Variants in EEFSEC observed in about 807,000 individuals in gnomAD.
The protein encoded by EEFSEC is selenocysteine-specific elongation factor.
Under a neutral mutation model 42.1 loss-of-function variants are expected in EEFSEC, and 43 were observed. The ratio of observed to expected loss-of-function variants is 1.02; its 90% CI spans 0.80 to 1.32. EEFSEC has a LOEUF of 1.32. Among genes scored for constraint, EEFSEC ranks in the 40% most tolerant of loss-of-function variants. The pLI, the probability that EEFSEC is intolerant of heterozygous loss-of-function variation, is 0.00. For synonymous variants in EEFSEC, 354 were observed against 339.1 expected (o/e 1.04, Z -0.48); for missense variants, 745 against 803.6 (o/e 0.93, Z 0.88).
At chr3:128,420,829 C>T in the EEFSEC span, among the ~76,000 whole-genome samples, 1 of 152,168 alleles carries the variant, frequency 6.6e-6, no homozygotes, top group Non-Finnish European at 1.5e-5. Context: ...GCAGGGTGCT[C>T]CCCTCCAGCC....
intron 1 of EEFSEC, among the ~76,000 whole-genome samples, chr3:128,234,885 G>T (rs370922102): frequency 1.3e-5 from 2 of 152,156 alleles, no homozygotes; most frequent in African/African-American, 4.8e-5. Context: ...TTGGTGCTGG[G>T]AGCTCTTATA....
intron 4 of EEFSEC, among the ~76,000 whole-genome samples, chr3:128,305,965 A>C (rs1021617847): frequency 2.0e-5 from 3 of 152,128 alleles, no homozygotes; most frequent in Admixed American, 2.0e-4. Context: ...ATTCCACTGT[A>C]TGTTACTTTC....
At chr3:128,314,057 T>C (rs1233666096) in intron 4 of EEFSEC, among the ~76,000 whole-genome samples, 3 of 152,248 alleles carry the variant, frequency 2.0e-5, no homozygotes, top group African/African-American at 7.2e-5. Flanking sequence ...CATGTGGATG[T>C]CTGTTTAGCC....
the EEFSEC span, among the ~76,000 whole-genome samples, chr3:128,417,019 T>C: frequency 6.6e-6 from 1 of 152,090 alleles, no homozygotes; most frequent in Non-Finnish European, 1.5e-5. The surrounding 1 kb of genome is among the most constrained non-coding windows in gnomAD (Gnocchi z 4.3). Context: ...GCAGGGTTCC[T>C]GACCAGCAGC....
chr3:128,393,354 C>T (rs549379923), intron 6 of EEFSEC, among the ~76,000 whole-genome samples: 1 of 152,220 alleles, frequency 6.6e-6, no homozygotes, highest in Non-Finnish European at 1.5e-5. Flanking sequence ...CCTTTTGGTA[C>T]ACACGCTGGT....
chr3:128,347,854 A>G (rs1459558197), intron 5 of EEFSEC, among the ~76,000 whole-genome samples: 4 of 152,236 alleles, frequency 2.6e-5, no homozygotes, highest in Non-Finnish European at 5.9e-5. Context: ...TTCAGAGTCC[A>G]TATTTTAAAA....
intron 4 of EEFSEC, among the ~76,000 whole-genome samples, chr3:128,334,870 G>A (rs2067172834): frequency 6.6e-6 from 1 of 152,228 alleles, no homozygotes; most frequent in African/African-American, 2.4e-5. Context: ...GTATAGGGCA[G>A]CAGCACCTCT....
intron 4 of EEFSEC, 109 bp from the exon 5 acceptor site, chr3:128,341,124 T>C: frequency 3.0e-6 from 4 of 1,349,392 alleles, no homozygotes; most frequent in Non-Finnish European, 4.0e-6. Context: ...GTCCTCACGG[T>C]GCCTGCAGGT....
chr3:128,254,336 T>C (rs1347475881), intron 2 of EEFSEC, among the ~76,000 whole-genome samples: 1 of 152,186 alleles, frequency 6.6e-6, no homozygotes, highest in Non-Finnish European at 1.5e-5. Context: ...GGTGCCATCA[T>C]CTGTGGCTGT....
chr3:128,155,001 T>C (rs1339290823), intron 1 of EEFSEC, among the ~76,000 whole-genome samples: 1 of 152,238 alleles, frequency 6.6e-6, no homozygotes, highest in African/African-American at 2.4e-5. Flanking sequence ...TACATGCTAC[T>C]TGTGAAGAAA....
chr3:128,157,088 C>T (rs539800801), intron 1 of EEFSEC, among the ~76,000 whole-genome samples: 4 of 152,296 alleles, frequency 2.6e-5, no homozygotes, highest in Non-Finnish European at 4.4e-5. Context: ...GAAAGCAAGA[C>T]AGCTTTATTG....
intron 1 of EEFSEC, among the ~76,000 whole-genome samples, chr3:128,246,181 G>T (rs1051656754): frequency 1.3e-5 from 2 of 152,102 alleles, no homozygotes; most frequent in African/African-American, 4.8e-5. Flanking sequence ...ACCTGCTGTT[G>T]TTCAGCTCAG....
chr3:128,216,605 C>A (rs1576552112), intron 1 of EEFSEC, among the ~76,000 whole-genome samples: 1 of 152,360 alleles, frequency 6.6e-6, no homozygotes, highest in Admixed American at 6.5e-5. Flanking sequence ...CCTGTACTGT[C>A]CTCTGATGGC....
At chr3:128,283,477 T>C (rs2066551225) in intron 4 of EEFSEC, among the ~76,000 whole-genome samples, 1 of 152,196 alleles carries the variant, frequency 6.6e-6, no homozygotes, top group Non-Finnish European at 1.5e-5. Flanking sequence ...TACTTTGTTC[T>C]GTGTGGCTCT....
At chr3:128,268,926 T>C (rs933136006) in intron 4 of EEFSEC, among the ~76,000 whole-genome samples, 3 of 152,212 alleles carry the variant, frequency 2.0e-5, no homozygotes, top group Non-Finnish European at 4.4e-5. Flanking sequence ...AAGAAACTTA[T>C]GAATTTTGCA....
At chr3:128,170,130 C>G (rs1019445732) in intron 1 of EEFSEC, among the ~76,000 whole-genome samples, 2 of 152,146 alleles carry the variant, frequency 1.3e-5, no homozygotes, top group African/African-American at 4.8e-5. Context: ...ACCAGCTCCT[C>G]ACCCCCCGCC....
At chr3:128,426,056 C>A in the EEFSEC span, among the ~76,000 whole-genome samples, 25 of 152,208 alleles carry the variant, frequency 1.6e-4, no homozygotes, top group African/African-American at 5.8e-4. Flanking sequence ...CTGTTCAATC[C>A]TCACAGCAGT....
chr3:128,228,229 G>C (rs760594148), intron 1 of EEFSEC, among the ~76,000 whole-genome samples: 58 of 152,310 alleles, frequency 3.8e-4, no homozygotes, highest in Non-Finnish European at 7.6e-4. Flanking sequence ...TGAAGCTGCA[G>C]AGGAGCTTGG....
At chr3:128,257,476 C>A (rs1231891477) in intron 2 of EEFSEC, among the ~76,000 whole-genome samples, 2 of 152,186 alleles carry the variant, frequency 1.3e-5, no homozygotes, top group Admixed American at 1.3e-4. Flanking sequence ...CTATAAACCA[C>A]TCCCGAATGC....
Sources: allele counts gnomAD v4.1 joint callset (sites outside exome capture counted in the v4.1 genomes callset), GRCh38; gene constraint gnomAD v4.1.1; non-coding constraint Gnocchi (gnomAD v3.1); transcripts MANE v1.5; gene names NCBI Gene and HGNC (gene_info 2026-07-23, HGNC 2026-07-21).